Variants in CPA6 observed in about 807,000 individuals in gnomAD.
CPA6 encodes the protein carboxypeptidase B.
CPA6 carries 58 observed loss-of-function variants against 63.3 expected under a neutral mutation model. That is an observed-to-expected ratio of 0.92 (90% CI 0.74 to 1.14). CPA6 has a LOEUF of 1.14. Ranked by LOEUF, CPA6 falls within the 50% of genes most tolerant of loss-of-function variation. CPA6 has a pLI of 0.00. For missense variants in CPA6, 565 were observed against 526.6 expected (o/e 1.07, Z -0.71); for synonymous variants, 185 against 179.0 (o/e 1.03, Z -0.27).
intron 9 of CPA6, among the ~76,000 whole-genome samples, chr8:67,430,045 T>C (rs1203044035): frequency 6.6e-6 from 1 of 152,124 alleles, no homozygotes; most frequent in Admixed American, 6.6e-5. Context: ...GTGATCCCTC[T>C]TTTTTCTACT....
chr8:67,516,922 G>A (rs1463819376), intron 3 of CPA6, among the ~76,000 whole-genome samples: 2 of 151,822 alleles, frequency 1.3e-5, no homozygotes, highest in Non-Finnish European at 2.9e-5. Flanking sequence ...TCAGCCCCCC[G>A]AGTAGCTAGG....
chr8:67,429,066 A>G (rs543123048), intron 9 of CPA6, among the ~76,000 whole-genome samples: 9 of 152,282 alleles, frequency 5.9e-5, no homozygotes, highest in African/African-American at 2.2e-4. Context: ...TCTTAATGCT[A>G]TGTGCTTATC....
intron 2 of CPA6, among the ~76,000 whole-genome samples, chr8:67,541,669 A>G (rs1812709270): frequency 6.6e-6 from 1 of 152,152 alleles, no homozygotes; most frequent in South Asian, 2.1e-4. Context: ...GCCCTTCTTT[A>G]ACTCGGTGTC....
intron 2 of CPA6, among the ~76,000 whole-genome samples, chr8:67,609,819 C>T (rs191370621): frequency 4.2e-4 from 64 of 152,206 alleles, no homozygotes; most frequent in Non-Finnish European, 7.2e-4. Flanking sequence ...GTCAGGAGTT[C>T]GAGACCAACA....
chr8:67,475,785 CTTTCTTTCTTTCTTT>C (rs1470542786), intron 8 of CPA6, among the ~76,000 whole-genome samples: 5 of 78,740 alleles, frequency 6.4e-5, no homozygotes, highest in South Asian at 4.2e-4. Context: ...TTCTTTCTTT[CTTTCTTTCTTTCTTT>C]CTTTCTTTCT....
chr8:67,448,789 AT>A (rs1810492774), intron 8 of CPA6, among the ~76,000 whole-genome samples: 1 of 151,784 alleles, frequency 6.6e-6, no homozygotes, highest in South Asian at 2.1e-4. Context: ...TTATCACTTT[AT>A]TTTTTTCCAT....
At chr8:67,428,885 A>C (rs113602907) in intron 9 of CPA6, among the ~76,000 whole-genome samples, 1 of 152,242 alleles carries the variant, frequency 6.6e-6, no homozygotes, top group Admixed American at 6.5e-5. Flanking sequence ...GCCTGTATAC[A>C]ACAGATGCTT....
intron 1 of CPA6, among the ~76,000 whole-genome samples, chr8:67,692,137 G>C (rs1816824601): frequency 6.6e-6 from 1 of 152,158 alleles, no homozygotes; most frequent in Non-Finnish European, 1.5e-5. Context: ...GGGAGTTTGA[G>C]ACCAGCCTGA....
At chr8:67,530,560 C>T (rs957098451) in intron 2 of CPA6, among the ~76,000 whole-genome samples, 6 of 152,154 alleles carry the variant, frequency 3.9e-5, no homozygotes, top group African/African-American at 1.4e-4. Flanking sequence ...ACCCCTTTGA[C>T]AGTAGAGTGG....
intron 2 of CPA6, among the ~76,000 whole-genome samples, chr8:67,521,002 T>C (rs922211480): frequency 9.2e-5 from 14 of 152,228 alleles, no homozygotes; most frequent in African/African-American, 3.4e-4. Context: ...TTCCTATCAA[T>C]AGTTTCCTTA....
Position 67,422,529 on chromosome 8 carries a change from A to T in CPA6, c.1289T>A (p.Met430Lys), listed in dbSNP as rs771181617. 1 of 1,614,104 alleles carries T rather than the reference A, an allele frequency of 6.2e-7. No homozygotes were observed. The highest frequency in any genetic ancestry group is 8.5e-7 in the Non-Finnish European group (1 of 1,179,992). ...TCAGGGACATTTCTTTAGCAGGTGC[A>T]TTGTGATATTTTTCACAGCCAGCAT... Reference protein sequence around the residue: ...ETMLAVKNITMHLLKKCP With the variant: ...ETMLAVKNITKHLLKKCP The change falls in exon 11 of 11, where the codon ATG (methionine) becomes AAG (lysine). Residue 430 changes from methionine (M) to lysine (K), a missense_variant. Transcript: ENST00000297770.
intron 1 of CPA6, among the ~76,000 whole-genome samples, chr8:67,736,902 T>C (rs547184615): frequency 1.3e-5 from 2 of 152,320 alleles, no homozygotes; most frequent in South Asian, 4.1e-4. Flanking sequence ...GTGGAAAAAT[T>C]GTGAAAATTC....
chr8:67,560,316 G>A (rs1813177507), intron 2 of CPA6, among the ~76,000 whole-genome samples: 1 of 152,096 alleles, frequency 6.6e-6, no homozygotes, highest in Non-Finnish European at 1.5e-5. Flanking sequence ...ACAGGGCATT[G>A]TTAACCTGAT....
chr8:67,732,390 C>T (rs1295072986), intron 1 of CPA6, among the ~76,000 whole-genome samples: 1 of 152,214 alleles, frequency 6.6e-6, no homozygotes, highest in African/African-American at 2.4e-5. Context: ...TCCTTCCTCG[C>T]TCTCTCTCAT....
intron 2 of CPA6, among the ~76,000 whole-genome samples, chr8:67,553,055 C>G (rs1812985347): frequency 6.6e-6 from 1 of 152,230 alleles, no homozygotes; most frequent in Admixed American, 6.5e-5. Flanking sequence ...ATAAACAACT[C>G]TAGGAAGTTA....
At chr8:67,538,512 G>GTTTTTTTTTTTTTT (rs139665944) in intron 2 of CPA6, among the ~76,000 whole-genome samples, 1 of 90,772 alleles carries the variant, frequency 1.1e-5, no homozygotes, top group Admixed American at 1.3e-4. Flanking sequence ...TGCAACCCCT[G>GTTTTTTTTTTTTTT]TTTTTTTTTT....
chr8:67,554,051 AG>A (rs1178496284), intron 2 of CPA6, among the ~76,000 whole-genome samples: 1 of 152,210 alleles, frequency 6.6e-6, no homozygotes. Context: ...ATTTTAGTAA[AG>A]GTTCTCCAGA....
chr8:67,483,535 T>G (rs1045144399), intron 8 of CPA6: 1 of 551,740 alleles, frequency 1.8e-6, no homozygotes, highest in Admixed American at 3.2e-5. Context: ...AAATTTTCAG[T>G]TTTCAGGACC....
At chr8:67,439,312 G>A (rs1810234654) in intron 8 of CPA6, among the ~76,000 whole-genome samples, 2 of 151,644 alleles carry the variant, frequency 1.3e-5, no homozygotes, top group Admixed American at 6.6e-5. Flanking sequence ...AAGAGGCTGG[G>A]CATGGTGGCT....
Sources: gnomAD v4.1 joint callset for allele counts (sites outside exome capture counted in the v4.1 genomes callset) on GRCh38, gnomAD v4.1.1 for gene constraint, MANE v1.5 for transcripts, NCBI Gene and HGNC (gene_info 2026-07-23, HGNC 2026-07-21) for gene names.